Variants in TRDMT1 observed in about 807,000 individuals in gnomAD.
TRDMT1 encodes the protein tRNA (cytosine(38)-C(5))-methyltransferase.
Under a neutral mutation model 51.2 loss-of-function variants are expected in TRDMT1, and 49 were observed. The ratio of observed to expected loss-of-function variants is 0.96; its 90% CI spans 0.76 to 1.21. The LOEUF is 1.21. TRDMT1 is among the 50% of genes most tolerant of loss of function. The probability of loss-of-function intolerance (pLI) is 0.00; values close to 1 mark genes in which losing one functional copy is unlikely to be tolerated. For missense variants in TRDMT1, 534 were observed against 462.3 expected, an observed-to-expected ratio of 1.16 and a Z score of -1.42; for synonymous variants, 187 against 164.6, an observed-to-expected ratio of 1.14 and a Z score of -1.04.
At position 17,144,354 on chromosome 10, in the gene TRDMT1, G is replaced by A. The variant is rs1444471827; in HGVS notation, c.*4686C>T. 60 of 985,242 alleles carry A rather than the reference G, an allele frequency of 6.1e-5. No individual in the cohort carries two copies. The highest frequency in any genetic ancestry group is 7.2e-5 in the Non-Finnish European group (60 of 829,902). The allele number at this position is 985,242 out of a possible 1,614,324, so 61.0% of individuals were successfully genotyped here. A position where few individuals can be genotyped will look rare whatever the true frequency, so the allele number is the denominator to read the frequency against. On this transcript the variant is annotated 3_prime_UTR_variant, in exon 11 of 11. Coordinates refer to ENST00000377799, the MANE Select transcript of TRDMT1 (RefSeq NM_004412.7). ...GAAGTAAACACTGAAGCCATGCTAG[G>A]TACAAGCAAAGAAATGAAAAAACCC...
intron 1 of TRDMT1, among the ~76,000 whole-genome samples, chr10:17,177,157 T>A (rs1034842705): frequency 1.5e-5 from 2 of 137,664 alleles, no homozygotes; most frequent in Admixed American, 7.3e-5. Context: ...AGGTGAGATA[T>A]CCTACTTAGA....
chr10:17,155,400 G>C (rs745464686), intron 8 of TRDMT1, among the ~76,000 whole-genome samples: 1 of 152,172 alleles, frequency 6.6e-6, no homozygotes, highest in East Asian at 1.9e-4. Context: ...TGGCTCCCTT[G>C]CCACATTAAC....
chr10:17,146,320 C>G lies in TRDMT1; in HGVS notation c.*2720G>C. On this transcript the variant is annotated 3_prime_UTR_variant, in exon 11 of 11. Coordinates refer to ENST00000377799, the MANE Select transcript of TRDMT1 (RefSeq NM_004412.7). ...TCATCTTTCCAGACATAGGGCAGTG[C>G]CCATGGTGAAGGTCTGATTTCACAG... 1 of 985,384 alleles carries G rather than the reference C, an allele frequency of 1.0e-6. No homozygotes were observed. The highest frequency in any genetic ancestry group is 4.7e-5 in the South Asian group (1 of 21,288). 61.0% of individuals were successfully genotyped at this position (985,384 alleles called of 1,614,324 possible).
chr10:17,182,956 A>T (rs1843452478), intron 1 of TRDMT1, among the ~76,000 whole-genome samples: 1 of 152,240 alleles, frequency 6.6e-6, no homozygotes, highest in Non-Finnish European at 1.5e-5. Flanking sequence ...GATTGGATAA[A>T]TGAACACTGT....
Position 17,149,066 on chromosome 10 carries a change from T to G in TRDMT1, c.1150A>C (p.Lys384Gln). Residue 384 changes from lysine (K) to glutamine (Q), a missense_variant, in exon 11 of 11, where the codon AAA becomes CAA. Physicochemically the swap from Lys to Gln is moderately conservative, Grantham distance 53 (BLOSUM62 1). Transcript: ENST00000377799. ...TATTCATATAAGATTTTGATTAGTT[T>G]AGCTACTACATGCACGTTGAGACTA... ...GNSLNVHVVA[K>Q]LIKILYE 6.2e-7 allele frequency: 1 copy of G among 1,610,694 alleles called. No homozygotes were observed. The highest frequency in any genetic ancestry group is 8.5e-7 in the Non-Finnish European group (1 of 1,178,788).
At chr10:17,160,879 T>C (rs1462294638) in intron 5 of TRDMT1, among the ~76,000 whole-genome samples, 1 of 152,210 alleles carries the variant, frequency 6.6e-6, no homozygotes, top group Non-Finnish European at 1.5e-5. Context: ...AATCAAAAGA[T>C]ATACATAATT....
intron 9 of TRDMT1, among the ~76,000 whole-genome samples, chr10:17,154,364 TACA>T (rs2131389036): frequency 6.6e-6 from 1 of 152,262 alleles, no homozygotes; most frequent in East Asian, 1.9e-4. Flanking sequence ...AAGATGTTTG[TACA>T]ACATTTTAGA....
At chr10:17,175,407 C>T (rs1335267699) in intron 1 of TRDMT1, among the ~76,000 whole-genome samples, 1 of 152,096 alleles carries the variant, frequency 6.6e-6, no homozygotes, top group Non-Finnish European at 1.5e-5. Context: ...TTAATGTTAG[C>T]CGAAATTGGA....
At chr10:17,200,370 ATGC>A (rs1845987141) in intron 1 of TRDMT1, 3 of 158,672 alleles carry the variant, frequency 1.9e-5, no homozygotes, top group Non-Finnish European at 4.4e-5. Context: ...TTTTGCTTTG[ATGC>A]TGCTAAGTTT....
rs563862273 is a variant in TRDMT1, at chr10:17,200,126, A to G, written c.64+1445T>C. On this transcript the variant is annotated intron_variant, in intron 1 of 10. Transcript: ENST00000377799. The stretch of plus-strand genomic sequence containing the variant: ...TAAGTCTTACTGTTGAATTAATTCC[A>G]ACAGTTAGTAAACATGCTTAAAGAG... Among the ~76,000 whole-genome samples the G allele has an allele frequency of 3.1e-4, 47 of 152,352 alleles. No individual in the cohort carries two copies. In the South Asian group the frequency reaches 9.7e-3, roughly 32 times the overall value.
chr10:17,147,288 A>G lies in TRDMT1; in HGVS notation c.*1752T>C. 1.0e-6 allele frequency: 1 copy of G among 985,636 alleles called. No individual in the cohort carries two copies. The highest frequency in any genetic ancestry group is 1.2e-6 in the Non-Finnish European group (1 of 829,874). The allele number at this position is 985,636 out of a possible 1,614,324, so 61.1% of individuals were successfully genotyped here. On this transcript the variant is annotated 3_prime_UTR_variant, in exon 11 of 11. Coordinates refer to ENST00000377799, the MANE Select transcript of TRDMT1 (RefSeq NM_004412.7). ...GTCTGAACACATATGAAAAATGTAG[A>G]TAGTGATAGTTTCTGTATATGGGCT...
intron 1 of TRDMT1, among the ~76,000 whole-genome samples, chr10:17,194,990 A>G (rs895334956): frequency 6.6e-6 from 1 of 151,634 alleles, no homozygotes; most frequent in Non-Finnish European, 1.5e-5. Context: ...GGCTGCGGAG[A>G]AAAGGGAACC....
intron 8 of TRDMT1, 150 bp downstream of exon 8, chr10:17,157,291 G>T: frequency 1.5e-6 from 1 of 682,736 alleles, no homozygotes; most frequent in Non-Finnish European, 2.4e-6. Context: ...TGTTCTACTG[G>T]AACATGAAGT....
chr10:17,143,298 C>T lies in TRDMT1; in HGVS notation c.*5742G>A, dbSNP rs1009921787. 67 of 984,684 alleles carry T rather than the reference C, an allele frequency of 6.8e-5. No homozygotes were observed. Among genetic ancestry groups the T allele is most frequent in the Middle Eastern group, 5.2e-4 (1 of 1,936 alleles). The allele number at this position is 984,684 out of a possible 1,614,324, so 61.0% of individuals were successfully genotyped here. On this transcript the variant is annotated 3_prime_UTR_variant, in exon 11 of 11. Transcript: ENST00000377799. ...CTGTTTTAAGTCACTGGGGGGACAA[C>T]GTATTAACAATCTCTGCCCTTGTGG...
intron 1 of TRDMT1, among the ~76,000 whole-genome samples, chr10:17,179,015 T>TG (rs1179777929): frequency 6.6e-6 from 1 of 151,830 alleles, no homozygotes; most frequent in Non-Finnish European, 1.5e-5. Context: ...AGAGAAGTGG[T>TG]GGAAGAGAGA....
At position 17,144,718 on chromosome 10, in the gene TRDMT1, G is replaced by C. The variant is rs1171529343; in HGVS notation, c.*4322C>G. On this transcript the variant is annotated 3_prime_UTR_variant, in exon 11 of 11. Coordinates refer to ENST00000377799, the MANE Select transcript of TRDMT1 (RefSeq NM_004412.7). ...GTGATGGAGTTTGGATCTTGATTGT[G>C]TAAGATTTTGAAGAGCATGAGTACC... is the stretch of plus-strand genomic sequence containing the variant. The C allele has an allele frequency of 4.1e-6, 4 of 985,238 alleles. No homozygotes were observed. The highest frequency in any genetic ancestry group is 2.3e-4 in the East Asian group (2 of 8,834). The allele number at this position is 985,238 out of a possible 1,614,324, so 61.0% of individuals were successfully genotyped here. A position where few individuals can be genotyped will look rare whatever the true frequency, so the allele number is the denominator to read the frequency against.
At chr10:17,191,705 C>A (rs1844707923) in intron 1 of TRDMT1, among the ~76,000 whole-genome samples, 2 of 152,290 alleles carry the variant, frequency 1.3e-5, no homozygotes, top group South Asian at 4.1e-4. Flanking sequence ...CATCTTCTCA[C>A]TGGCATTTGA....
chr10:17,147,842 G>T lies in TRDMT1; in HGVS notation c.*1198C>A. ...TGGATCTATAGCCAGAGGTGGAATC[G>T]CTGAATCATAGGGTAATTCTATGTT... On this transcript the variant is annotated 3_prime_UTR_variant, in exon 11 of 11. Transcript: ENST00000377799. 2 of 283,984 alleles carry T rather than the reference G, an allele frequency of 7.0e-6. No individual in the cohort carries two copies. The highest frequency in any genetic ancestry group is 1.1e-5 in the Non-Finnish European group (2 of 188,826). 17.6% of individuals were successfully genotyped at this position (283,984 alleles called of 1,614,324 possible). A position where few individuals can be genotyped will look rare whatever the true frequency, so the allele number is the denominator to read the frequency against.
intron 3 of TRDMT1, among the ~76,000 whole-genome samples, chr10:17,163,850 G>C (rs1471871923): frequency 6.6e-6 from 1 of 152,110 alleles, no homozygotes; most frequent in Non-Finnish European, 1.5e-5. Flanking sequence ...ACCAACAACA[G>C]GCTTTGAAAT....
Sources: allele counts gnomAD v4.1 joint callset (sites outside exome capture counted in the v4.1 genomes callset), GRCh38; gene constraint gnomAD v4.1.1; transcripts MANE v1.5; gene names NCBI Gene and HGNC (gene_info 2026-07-23, HGNC 2026-07-21).